The following PRKN variants were observed in gnomAD, a reference collection of about 807,000 sequenced individuals.
The protein encoded by PRKN is E3 ubiquitin-protein ligase parkin.
Under a neutral mutation model 59.5 loss-of-function variants are expected in PRKN, and 56 were observed. The ratio of observed to expected loss-of-function variants is 0.94; its 90% CI spans 0.76 to 1.18. The LOEUF (loss-of-function observed/expected upper bound fraction) is 1.18. PRKN is among the 50% of genes most tolerant of loss of function. The probability of loss-of-function intolerance (pLI) is 0.00; values close to 1 mark genes in which losing one functional copy is unlikely to be tolerated. For missense variants in PRKN, 657 were observed against 596.4 expected (o/e 1.10, Z -1.06); for synonymous variants, 250 against 222.1 (o/e 1.13, Z -1.12).
chr6:162,638,347 T>G (rs561239936), intron 1 of PRKN, among the ~76,000 whole-genome samples: 1 of 152,296 alleles, frequency 6.6e-6, no homozygotes, highest in East Asian at 1.9e-4. Context: ...CAACTCATTG[T>G]AAAGGAGCCG....
At chr6:161,968,025 C>T (rs1562425522) in intron 6 of PRKN, among the ~76,000 whole-genome samples, 1 of 151,238 alleles carries the variant, frequency 6.6e-6, no homozygotes, top group Non-Finnish European at 1.5e-5. Flanking sequence ...AGTGTGGGGC[C>T]TTTTTTTTCT....
intron 2 of PRKN, among the ~76,000 whole-genome samples, chr6:162,315,704 A>G (rs1016488589): frequency 2.6e-5 from 4 of 152,192 alleles, no homozygotes; most frequent in Non-Finnish European, 2.9e-5. Context: ...ATTAGAAGAC[A>G]TAAGTCTTTT....
intron 1 of PRKN, among the ~76,000 whole-genome samples, chr6:162,492,165 C>A (rs186159569): frequency 1.3e-5 from 2 of 152,344 alleles, no homozygotes; most frequent in East Asian, 3.9e-4. Flanking sequence ...CTCACATGAA[C>A]TAAAAGCCAG....
chr6:161,951,687 G>C (rs539003591), intron 6 of PRKN, among the ~76,000 whole-genome samples: 1 of 152,090 alleles, frequency 6.6e-6, no homozygotes, highest in African/African-American at 2.4e-5. Context: ...AGGCCGAGGC[G>C]GGCAGATCAT....
chr6:162,601,578 C>T (rs1052044866), intron 1 of PRKN, among the ~76,000 whole-genome samples: 39 of 151,942 alleles, frequency 2.6e-4, no homozygotes, highest in Admixed American at 2.2e-3. Context: ...TTCCTCGAAC[C>T]CTCTTCCCAA....
At chr6:161,686,075 CAAAAAA>C (rs34114820) in intron 7 of PRKN, among the ~76,000 whole-genome samples, 3 of 128,694 alleles carry the variant, frequency 2.3e-5, no homozygotes, top group African/African-American at 5.8e-5. Flanking sequence ...TAGAAAACAG[CAAAAAA>C]AAAAAAAAAA....
rs550769113 is a variant in PRKN, at chr6:161,582,859, G to A, written c.872-13443C>T. Among the ~76,000 whole-genome samples, 1 of 152,086 alleles carries A rather than the reference G, an allele frequency of 6.6e-6. No homozygotes were observed. Among genetic ancestry groups the A allele is most frequent in the South Asian group, 2.1e-4 (1 of 4,810 alleles). ...CACCCAGGTTGGGAAGCTCAATGCTGCATCCATGTAGCTGATCCCAGCATA... is the reference window on the plus strand; with the variant it reads ...CACCCAGGTTGGGAAGCTCAATGCTACATCCATGTAGCTGATCCCAGCATA... On this transcript the variant is annotated intron_variant, in intron 7 of 11. Coordinates refer to ENST00000366898, the MANE Select transcript of PRKN (RefSeq NM_004562.3). The surrounding 1 kb of genome is among the most constrained non-coding windows in gnomAD (Gnocchi z 4.4).
At chr6:161,958,197 T>C (rs542035837) in intron 6 of PRKN, among the ~76,000 whole-genome samples, 91 of 152,304 alleles carry the variant, frequency 6.0e-4, no homozygotes, top group African/African-American at 2.2e-3. Flanking sequence ...TTTTAAAAAC[T>C]TATTATAATA....
At position 161,386,332 on chromosome 6, in the gene PRKN, A is replaced by T. The variant is rs1786240649; in HGVS notation, c.1167+462T>A. On this transcript the variant is annotated intron_variant, in intron 10 of 11. Coordinates refer to ENST00000366898, the MANE Select transcript of PRKN (RefSeq NM_004562.3). The surrounding 1 kb of genome is among the most constrained non-coding windows in gnomAD (Gnocchi z 4.3). The stretch of plus-strand genomic sequence containing the variant: ...CTTAATGAGGACTGAAACACCAGTT[A>T]GCATAGGGCATGATGCTGCTAAAGG... Among the ~76,000 whole-genome samples, 2 of 152,238 alleles carry T rather than the reference A, an allele frequency of 1.3e-5. No homozygotes were observed. The highest frequency in any genetic ancestry group is 6.5e-5 in the Admixed American group (1 of 15,290).
At chr6:161,866,105 G>A (rs1794100658) in intron 6 of PRKN, among the ~76,000 whole-genome samples, 2 of 152,214 alleles carry the variant, frequency 1.3e-5, no homozygotes, top group East Asian at 1.9e-4. Context: ...AGAGAGATGT[G>A]GTGATGGGCG....
intron 6 of PRKN, among the ~76,000 whole-genome samples, chr6:161,839,761 C>T (rs1792907941): frequency 6.6e-6 from 1 of 152,132 alleles, no homozygotes; most frequent in Non-Finnish European, 1.5e-5. Context: ...GGGGCGCAGC[C>T]AATCAGCCAC....
rs542934470 is a variant in PRKN at position 161,363,912 on chromosome 6, C to A, written c.1168-3707G>T. Among the ~76,000 whole-genome samples, 1 of 152,298 alleles carries A rather than the reference C, an allele frequency of 6.6e-6. No individual in the cohort carries two copies. The highest frequency in any genetic ancestry group is 6.5e-5 in the Admixed American group (1 of 15,292). On this transcript the variant is annotated intron_variant, in intron 10 of 11. Coordinates refer to ENST00000366898, the MANE Select transcript of PRKN (RefSeq NM_004562.3). The surrounding 1 kb of genome is among the most constrained non-coding windows in gnomAD (Gnocchi z 4.1). ...TGGTGGTTCACGCCTGTAATCCAAG[C>A]ACTTTGGGAGGCCAAGGCAGGCGGA...
In PRKN at chr6:161,557,872, T is replaced by C. The variant is rs200651129; in HGVS notation, c.934-8869A>G. ...CATAGTGTTTCCCAGAGTATCCTTT[T>C]GGGGGCACTCAGGTACAGCTCTTGG... On this transcript the variant is annotated intron_variant, in intron 8 of 11. Transcript: ENST00000366898. Among the ~76,000 whole-genome samples, 9 of 152,276 alleles carry C rather than the reference T, an allele frequency of 5.9e-5. No homozygotes were observed. The East Asian group carries it at 1.5e-3, about 26-fold the overall frequency.
At chr6:162,366,382 A>G (rs894302050) in intron 2 of PRKN, among the ~76,000 whole-genome samples, 3 of 152,192 alleles carry the variant, frequency 2.0e-5, no homozygotes, top group African/African-American at 7.2e-5. Context: ...ATTTATTATT[A>G]TATGTGGCAT....
In PRKN at chr6:161,483,712, G is replaced by A. The variant is rs748684610; in HGVS notation, c.1083+65142C>T. Reference sequence around the variant, plus strand: ...CTCTTCTACTTATTTCTTAAGGCATGGGAGTGGCATAGTGAGATCCTGGCA... The same window carrying A: ...CTCTTCTACTTATTTCTTAAGGCATAGGAGTGGCATAGTGAGATCCTGGCA... On this transcript the variant is annotated intron_variant, in intron 9 of 11. Coordinates refer to ENST00000366898, the MANE Select transcript of PRKN (RefSeq NM_004562.3). This position sits in a 1 kb window ranked among gnomAD's most constrained non-coding sequence, Gnocchi z 5.0. Among the ~76,000 whole-genome samples, 3 of 152,136 alleles carry A rather than the reference G, an allele frequency of 2.0e-5. No individual in the cohort carries two copies. The highest frequency in any genetic ancestry group is 2.1e-4 in the South Asian group (1 of 4,814).
chr6:162,389,084 C>T (rs1787027635), intron 2 of PRKN, among the ~76,000 whole-genome samples: 1 of 150,382 alleles, frequency 6.6e-6, no homozygotes, highest in Admixed American at 6.6e-5. Flanking sequence ...AAGTAAGGTG[C>T]TAGCCCTTCC....
At chr6:161,350,622 ATTTTT>A (rs1784494891) in intron 11 of PRKN, among the ~76,000 whole-genome samples, 15 of 122,334 alleles carry the variant, frequency 1.2e-4, no homozygotes, top group East Asian at 6.8e-4. Flanking sequence ...AAATATATAT[ATTTTT>A]ATATATTTAT....
intron 1 of PRKN, among the ~76,000 whole-genome samples, chr6:162,492,656 T>C (rs531440372): frequency 6.6e-6 from 1 of 151,000 alleles, no homozygotes; most frequent in East Asian, 2.0e-4. Context: ...AATACAAAAA[T>C]TAGCCAGGTG....
intron 1 of PRKN, among the ~76,000 whole-genome samples, chr6:162,461,523 A>G (rs1375195066): frequency 1.3e-5 from 2 of 148,182 alleles, no homozygotes; most frequent in African/African-American, 2.5e-5. Context: ...AAAAAAAAAA[A>G]AAAAAGAAAG....
Sources: allele counts gnomAD v4.1 joint callset (sites outside exome capture counted in the v4.1 genomes callset), GRCh38; gene constraint gnomAD v4.1.1; non-coding constraint Gnocchi (gnomAD v3.1); transcripts MANE v1.5; gene names NCBI Gene and HGNC (gene_info 2026-07-23, HGNC 2026-07-21).